The following EPB41L2 variants were observed in gnomAD, a reference collection of about 807,000 sequenced individuals.
EPB41L2 encodes band 4.1-like protein 2.
Under a neutral mutation model 113.0 loss-of-function variants are expected in EPB41L2, and 43 were observed. The ratio of observed to expected loss-of-function variants is 0.38; its 90% CI spans 0.30 to 0.49. The LOEUF (loss-of-function observed/expected upper bound fraction) is 0.49, where lower values mean the gene tolerates loss of function less well. EPB41L2 is among the 20% of genes least tolerant of loss of function. EPB41L2 has a pLI of 0.95. For missense variants in EPB41L2, 1,147 were observed against 1,223.4 expected (o/e 0.94, Z 0.93); for synonymous variants, 442 against 436.7 (o/e 1.01, Z -0.15).
In EPB41L2 at chr6:130,956,249, C is replaced by T. The variant is rs373413431; in HGVS notation, c.237G>A (p.Pro79=). The T allele has an allele frequency of 3.7e-6, 6 of 1,614,032 alleles. No homozygotes were observed. In the African/African-American group the frequency reaches 4.0e-5, roughly 11 times the overall value. ...SESRGISRFI[P]PWLKKQKSYT... is the part of the protein sequence containing the mutation. ...ATGACTTTTGCTTCTTAAGCCATGG[C>T]GGTATGAACCGAGAAATACCCCTGC... The change falls in exon 2 of 20, where the codon CCG becomes CCA. Residue 79 remains proline (P), a synonymous_variant. Transcript: ENST00000337057.
chr6:130,934,465 C>T (rs1179451935), intron 3 of EPB41L2, among the ~76,000 whole-genome samples: 2 of 151,982 alleles, frequency 1.3e-5, no homozygotes, highest in Non-Finnish European at 2.9e-5. Context: ...AAGACATATA[C>T]ATAAATACAT....
At chr6:130,991,264 C>T (rs558971568) in intron 1 of EPB41L2, among the ~76,000 whole-genome samples, 3 of 152,250 alleles carry the variant, frequency 2.0e-5, no homozygotes, top group Non-Finnish European at 2.9e-5. Flanking sequence ...TGTGTACCCC[C>T]ACAGCTATGT....
intron 2 of EPB41L2, among the ~76,000 whole-genome samples, chr6:130,955,656 G>A (rs570472256): frequency 1.2e-4 from 19 of 152,200 alleles, no homozygotes; most frequent in South Asian, 8.3e-4. Flanking sequence ...ACTAAAATGC[G>A]CACACACAAA....
intron 10 of EPB41L2, 27 bp from the exon 11 acceptor site, chr6:130,890,493 A>G: frequency 6.4e-7 from 1 of 1,564,994 alleles, no homozygotes. Context: ...AAAAAAAAAG[A>G]GAGAGAGAAA....
intron 3 of EPB41L2, among the ~76,000 whole-genome samples, chr6:130,939,507 C>T (rs1337347267): frequency 3.3e-5 from 5 of 152,126 alleles, no homozygotes; most frequent in Non-Finnish European, 7.3e-5. Flanking sequence ...CCCACCTCGG[C>T]CTCCCAAAGT....
intron 1 of EPB41L2, among the ~76,000 whole-genome samples, chr6:131,008,279 A>C (rs765467584): frequency 6.6e-6 from 1 of 152,268 alleles, no homozygotes; most frequent in Non-Finnish European, 1.5e-5. Flanking sequence ...CCATTGCTTC[A>C]GAGGTGCAAG....
At chr6:131,045,100 G>T (rs892021237) in intron 1 of EPB41L2, among the ~76,000 whole-genome samples, 1 of 152,094 alleles carries the variant, frequency 6.6e-6, no homozygotes, top group African/African-American at 2.4e-5. Context: ...CCCCCAGTAA[G>T]TTTTATCCCT....
intron 1 of EPB41L2, among the ~76,000 whole-genome samples, chr6:131,004,473 C>T (rs1211365005): frequency 6.6e-6 from 1 of 152,176 alleles, no homozygotes; most frequent in Admixed American, 6.5e-5. Flanking sequence ...ATTCCCTAGG[C>T]CTACCAAAGG....
chr6:130,921,972 T>A (rs908003532), intron 4 of EPB41L2, among the ~76,000 whole-genome samples: 2 of 152,192 alleles, frequency 1.3e-5, no homozygotes, highest in African/African-American at 2.4e-5. Flanking sequence ...CAACATCCTA[T>A]ATGTAAATTA....
intron 8 of EPB41L2, among the ~76,000 whole-genome samples, chr6:130,897,555 T>C (rs1795030837): frequency 6.6e-6 from 1 of 152,220 alleles, no homozygotes; most frequent in Admixed American, 6.5e-5. Flanking sequence ...AGAATTGGTT[T>C]CTAACTAACA....
chr6:131,061,363 C>G (rs1026410975), intron 1 of EPB41L2, among the ~76,000 whole-genome samples: 7 of 152,144 alleles, frequency 4.6e-5, no homozygotes, highest in African/African-American at 1.7e-4. Context: ...CTCCAATAAC[C>G]TCCAAAGAAT....
chr6:130,894,850 A>G (rs1248990257), intron 9 of EPB41L2, 117 bp downstream of exon 9: 4 of 1,149,098 alleles, frequency 3.5e-6, no homozygotes, highest in Non-Finnish European at 4.7e-6. Context: ...ACCTTTTACA[A>G]TGGAAGAATA....
intron 10 of EPB41L2, among the ~76,000 whole-genome samples, chr6:130,892,403 C>CTTATTTTTTTTTTTTTTTTTTTT (rs1793197600): frequency 1.1e-5 from 1 of 92,640 alleles, no homozygotes; most frequent in Non-Finnish European, 2.4e-5. Flanking sequence ...CAGATTATTG[C>CTTATTTTTTTTTTTTTTTTTTTT]TTTTTTTTTT....
intron 14 of EPB41L2, chr6:130,870,404 G>A (rs1444640017): frequency 1.3e-6 from 2 of 1,550,320 alleles, no homozygotes; most frequent in East Asian, 2.4e-5. Flanking sequence ...AAGCAACCGA[G>A]GACACAAAAT....
intron 3 of EPB41L2, among the ~76,000 whole-genome samples, chr6:130,942,533 A>T (rs762421951): frequency 6.6e-6 from 1 of 152,206 alleles, no homozygotes; most frequent in African/African-American, 2.4e-5. Flanking sequence ...TGCATGAGAG[A>T]GTGTAATTAG....
At chr6:131,048,594 T>C (rs1009683271) in intron 1 of EPB41L2, among the ~76,000 whole-genome samples, 14 of 152,324 alleles carry the variant, frequency 9.2e-5, no homozygotes, top group African/African-American at 3.1e-4. Context: ...AATTATATGA[T>C]GTCTGGAGTT....
intron 4 of EPB41L2, 141 bp downstream of exon 4, chr6:130,926,464 T>C (rs913253991): frequency 1.1e-5 from 7 of 650,900 alleles, no homozygotes; most frequent in African/African-American, 1.9e-5. Flanking sequence ...AAGATAGTTT[T>C]TCAGTATTTA....
intron 4 of EPB41L2, among the ~76,000 whole-genome samples, chr6:130,911,526 TA>T (rs899435832): frequency 6.7e-6 from 1 of 148,710 alleles, no homozygotes; most frequent in Non-Finnish European, 1.5e-5. Flanking sequence ...ACAATAATAA[TA>T]AAAAAAAAGA....
At chr6:130,976,155 T>C (rs1470913445) in intron 1 of EPB41L2, among the ~76,000 whole-genome samples, 2 of 152,238 alleles carry the variant, frequency 1.3e-5, no homozygotes, top group African/African-American at 2.4e-5. Flanking sequence ...GTTTCATGAC[T>C]CTTCAATATG....
Sources: gnomAD v4.1 joint callset for allele counts (sites outside exome capture counted in the v4.1 genomes callset) on GRCh38, gnomAD v4.1.1 for gene constraint, MANE v1.5 for transcripts, NCBI Gene and HGNC (gene_info 2026-07-23, HGNC 2026-07-21) for gene names.